The following DENND2B variants were observed in gnomAD, a reference collection of about 807,000 sequenced individuals.
The protein encoded by DENND2B is DENN domain containing 2B.
Under a neutral mutation model 116.0 loss-of-function variants are expected in DENND2B, and 32 were observed. The ratio of observed to expected loss-of-function variants is 0.28; its 90% CI spans 0.21 to 0.37. The LOEUF (loss-of-function observed/expected upper bound fraction) is 0.37. Among genes scored for constraint, DENND2B ranks in the 10% least tolerant of loss-of-function variants. DENND2B has a pLI of 1.00. For missense variants in DENND2B, 1,276 were observed against 1,477.7 expected (o/e 0.86, Z 2.24); for synonymous variants, 588 against 583.9 (o/e 1.01, Z -0.10).
At chr11:8,768,057 G>T (rs570717098) in intron 1 of DENND2B, among the ~76,000 whole-genome samples, 6 of 151,974 alleles carry the variant, frequency 3.9e-5, no homozygotes, top group African/African-American at 1.2e-4. Flanking sequence ...TTTCTGAGCT[G>T]GGAGAGGCCT....
intron 1 of DENND2B, among the ~76,000 whole-genome samples, chr11:8,901,229 C>CTTTTCTTTTTTTT (rs781408078): frequency 3.0e-4 from 25 of 83,924 alleles, no homozygotes; most frequent in African/African-American, 6.2e-4. Flanking sequence ...CTTTTCTTTT[C>CTTTTCTTTTTTTT]TTTTTTTTTT....
chr11:8,764,699 T>A (rs947208945), intron 1 of DENND2B, among the ~76,000 whole-genome samples: 3 of 152,178 alleles, frequency 2.0e-5, no homozygotes, highest in Non-Finnish European at 4.4e-5. Flanking sequence ...CTGGGCATGG[T>A]GGCTCACGCC....
intron 3 of DENND2B, chr11:8,857,318 G>C (rs1049896235): frequency 1.3e-5 from 2 of 152,128 alleles, no homozygotes; most frequent in Admixed American, 6.5e-5. Context: ...TAACTAAAAT[G>C]ATACTAGGCC....
chr11:8,731,203 C>T lies in DENND2B; in HGVS notation c.87G>A (p.Gln29=), dbSNP rs116190432. The change falls in exon 3 of 20, where the codon CAG becomes CAA. Residue 29 remains glutamine, a synonymous_variant. Transcript: ENST00000313726. Reference sequence around the variant, plus strand: ...AGAGAACTGGAGGTGGAGAGACTGACTGAGACCTGGGGGCAAAACAAAACA... The same window carrying T: ...AGAGAACTGGAGGTGGAGAGACTGATTGAGACCTGGGGGCAAAACAAAACA... ...KAPRGTLSRS[Q]SVSPPPVLSP... 3.6e-5 allele frequency: 54 copies of T among 1,498,864 alleles called. No individual in the cohort carries two copies. The highest frequency in any genetic ancestry group is 3.4e-4 in the African/African-American group (24 of 71,530). The allele number at this position is 1,498,864 out of a possible 1,614,324, so 92.8% of individuals were successfully genotyped here. A position where few individuals can be genotyped will look rare whatever the true frequency, so the allele number is the denominator to read the frequency against.
At chr11:8,733,497 A>T (rs938885636) in intron 2 of DENND2B, among the ~76,000 whole-genome samples, 1 of 152,226 alleles carries the variant, frequency 6.6e-6, no homozygotes, top group Non-Finnish European at 1.5e-5. Flanking sequence ...ACATAAATTC[A>T]TGTCCTCGTG....
In DENND2B at chr11:8,707,805, C is replaced by T. The variant is rs770847479; in HGVS notation, c.2402G>A (p.Arg801His). 101 of 1,611,200 alleles carry T rather than the reference C, an allele frequency of 6.3e-5. No homozygotes were observed. The East Asian group carries it at 1.1e-3, about 18-fold the overall frequency. The change falls in exon 12 of 20, where the codon CGC (arginine) becomes CAC (histidine). Residue 801 changes from arginine (R) to histidine (H), a missense_variant. Transcript: ENST00000313726. This position sits in a 1 kb window ranked among gnomAD's most constrained non-coding sequence, Gnocchi z 4.8. ...RLPEVYCVIS[R>H]LGCFGLFSKV... ...GGAAAACAAGCCGAAGCAGCCAAGG[C>T]GGCTGATGACACAGTACACCTCTGG...
At chr11:8,719,794 A>G (rs949108746) in intron 4 of DENND2B, among the ~76,000 whole-genome samples, 1 of 152,232 alleles carries the variant, frequency 6.6e-6, no homozygotes, top group African/African-American at 2.4e-5. Flanking sequence ...CACTGTCCAC[A>G]TCACGGCAGG....
Position 8,798,367 on chromosome 11 carries a change from T to C in DENND2B, c.-26+12150A>G, listed in dbSNP as rs185730157. On this transcript the variant is annotated intron_variant, in intron 1 of 19. Coordinates refer to ENST00000313726, the MANE Select transcript of DENND2B (RefSeq NM_213618.2). ...CTTCGCTTTCTCTAACTGGTGACAG[T>C]AGAAGATGGAATCCCAGGGAAAGAT... 2.2e-4 allele frequency among the ~76,000 whole-genome samples: 33 copies of C among 152,282 alleles called. No individual in the cohort carries two copies. In the East Asian group the frequency reaches 5.8e-3, roughly 27 times the overall value.
intron 4 of DENND2B, among the ~76,000 whole-genome samples, chr11:8,826,096 CAAG>C (rs2061968919): frequency 6.6e-6 from 1 of 152,136 alleles, no homozygotes; most frequent in Non-Finnish European, 1.5e-5. Flanking sequence ...TCCTGCAGAA[CAAG>C]AAGATAGAAA....
chr11:8,818,121 G>GA (rs2061640819), intron 4 of DENND2B, among the ~76,000 whole-genome samples: 1 of 23,074 alleles, frequency 4.3e-5, no homozygotes, highest in Admixed American at 1.1e-3. Flanking sequence ...AACTAGCCAG[G>GA]CATGGTGGCA....
At chr11:8,787,643 G>C (rs1424277266) in intron 1 of DENND2B, among the ~76,000 whole-genome samples, 1 of 152,228 alleles carries the variant, frequency 6.6e-6, no homozygotes, top group Non-Finnish European at 1.5e-5. Flanking sequence ...AAGATAGTGA[G>C]AAATCATCCC....
In DENND2B at chr11:8,694,091, G is replaced by A; in HGVS notation, c.*5C>T. The stretch of plus-strand genomic sequence containing the variant: ...GGCACTGGACTCTGCTACTGAGAAG[G>A]AGGCTTAATTCTTCTTGTGGAGAAA... On this transcript the variant is annotated 3_prime_UTR_variant, in exon 20 of 20. Transcript: ENST00000313726. 1 of 1,614,124 alleles carries A rather than the reference G, an allele frequency of 6.2e-7. No homozygotes were observed. The highest frequency in any genetic ancestry group is 1.1e-5 in the South Asian group (1 of 91,072).
At chr11:8,863,869 TG>T (rs2063490531) in intron 2 of DENND2B, among the ~76,000 whole-genome samples, 1 of 152,120 alleles carries the variant, frequency 6.6e-6, no homozygotes, top group African/African-American at 2.4e-5. Context: ...TCCATTCCCC[TG>T]GGACTTGGAC....
Position 8,732,385 on chromosome 11 carries a change from T to C in DENND2B, c.81-1176A>G, listed in dbSNP as rs151067043. On this transcript the variant is annotated intron_variant, in intron 2 of 19. Transcript: ENST00000313726. Reference sequence around the variant, plus strand: ...ATCTCATCCGAGGTCACTCAGCTGGTAAGTGAAACCAGGACGTGAACTTCC... The same window carrying C: ...ATCTCATCCGAGGTCACTCAGCTGGCAAGTGAAACCAGGACGTGAACTTCC... 5.0e-4 allele frequency among the ~76,000 whole-genome samples: 76 copies of C among 152,314 alleles called. 1 individual carries two copies. The East Asian group carries it at 0.014, about 27-fold the overall frequency.
Position 8,730,433 on chromosome 11 carries a change from T to A in DENND2B, c.857A>T (p.Gln286Leu). 2 of 1,609,532 alleles carry A rather than the reference T, an allele frequency of 1.2e-6. No individual in the cohort carries two copies. Among genetic ancestry groups the A allele is most frequent in the Non-Finnish European group, 1.7e-6 (2 of 1,179,984 alleles). The change falls in exon 3 of 20, where the codon CAG becomes CTG. Residue 286 changes from glutamine to leucine, a missense_variant. Around this residue, in one of 2 missense-constraint regions of DENND2B, gnomAD observed 856 missense variants for 846.6 expected, o/e 1.01. Transcript: ENST00000313726. The surrounding 1 kb of genome is among the most constrained non-coding windows in gnomAD (Gnocchi z 4.1). ...CTCCTTCAGGACCTGTTCAATTTTC[T>A]GGATCCGGCTCAGCACTGCTGAGCT... ...KESSAVLSRIQKIEQVLKEQP... is the reference protein window; with the variant it reads ...KESSAVLSRILKIEQVLKEQP...
chr11:8,849,588 C>T (rs139379704), intron 3 of DENND2B, among the ~76,000 whole-genome samples: 3 of 151,054 alleles, frequency 2.0e-5, no homozygotes, highest in African/African-American at 7.3e-5. Flanking sequence ...CTTTGGGAGG[C>T]CAAGGTGGGC....
chr11:8,873,586 ATAG>A (rs752696416), upstream of DENND2B, among the ~76,000 whole-genome samples: 19 of 152,220 alleles, frequency 1.2e-4, no homozygotes, highest in Non-Finnish European at 2.4e-4. Context: ...TATATTTTAA[ATAG>A]TAGTAATTTA....
At chr11:8,871,037 T>C (rs987029826) in exon 2 of DENND2B, 1 of 152,070 alleles carries the variant, frequency 6.6e-6, no homozygotes, top group African/African-American at 2.4e-5. Flanking sequence ...GAGCCGCTCC[T>C]GCAGAGAGGG....
chr11:8,730,992 C>G lies in DENND2B; in HGVS notation c.298G>C (p.Gly100Arg), dbSNP rs775023845. Residue 100 changes from glycine to arginine, a missense_variant, in exon 3 of 20, where the codon GGT (glycine) becomes CGT (arginine). Around this residue, in one of 2 missense-constraint regions of DENND2B, gnomAD observed 856 missense variants for 846.6 expected, o/e 1.01. Transcript: ENST00000313726. The surrounding 1 kb of genome is among the most constrained non-coding windows in gnomAD (Gnocchi z 4.1). Reference sequence around the variant, plus strand: ...GCCGAAGGGCTTCTGTCCAAATAACCGAAGCTGGCGGTCTTGAAGGGACAG... The same window carrying G: ...GCCGAAGGGCTTCTGTCCAAATAACGGAAGCTGGCGGTCTTGAAGGGACAG... ...PTCPFKTASF[G>R]YLDRSPSACK... The G allele has an allele frequency of 6.2e-7, 1 of 1,614,140 alleles. No individual in the cohort carries two copies.
Sources: allele counts gnomAD v4.1 joint callset (sites outside exome capture counted in the v4.1 genomes callset), GRCh38; gene constraint gnomAD v4.1.1; regional missense constraint gnomAD v4.1.1; non-coding constraint Gnocchi (gnomAD v3.1); transcripts MANE v1.5; gene names NCBI Gene and HGNC (gene_info 2026-07-23, HGNC 2026-07-21).